Variants in PTPRZ1 observed in about 807,000 individuals in gnomAD.
PTPRZ1 encodes the protein protein tyrosine phosphatase receptor type Z1.
In PTPRZ1, 82 loss-of-function variants were observed where a neutral mutation model predicts 214.1. The observed-to-expected ratio is 0.38, with a 90% CI of 0.32 to 0.46. The LOEUF is 0.46. Among genes scored for constraint, PTPRZ1 ranks in the 20% least tolerant of loss-of-function variants. The pLI is 1.00. For missense variants in PTPRZ1, 2,603 were observed against 2,748.7 expected (o/e 0.95, Z 1.19); for synonymous variants, 945 against 987.9 (o/e 0.96, Z 0.81).
chr7:121,950,682 A>G (rs1285015166), intron 2 of PTPRZ1, among the ~76,000 whole-genome samples: 1 of 152,106 alleles, frequency 6.6e-6, no homozygotes, highest in Non-Finnish European at 1.5e-5. Context: ...CATGTGCACA[A>G]TCCTTATTAG....
In PTPRZ1 at chr7:122,061,091, G is replaced by C; in HGVS notation, c.6819G>C (p.Gln2273His). ...CTTCTGTTCTCTAGGAGCAGTATCA[G>C]TTTCTCTACAAAGTGATCCTCAGCC... is the stretch of plus-strand genomic sequence containing the variant. ...PGVFADIEQYQFLYKVILSLV... is the reference protein window; with the variant it reads ...PGVFADIEQYHFLYKVILSLV... The change falls in exon 30 of 30, where the codon CAG becomes CAC. Residue 2273 changes from glutamine to histidine, a missense_variant. Gln to His is a conservative substitution (Grantham distance 24, BLOSUM62 0). This residue lies in a region of PTPRZ1 where 165 missense variants were observed against 151.4 expected (regional missense o/e 1.09). Transcript: ENST00000393386. 3 of 1,605,406 alleles carry C rather than the reference G, an allele frequency of 1.9e-6. No individual in the cohort carries two copies. The highest frequency in any genetic ancestry group is 1.7e-4 in the Middle Eastern group (1 of 6,020).
At chr7:121,940,788 C>T (rs552584194) in intron 2 of PTPRZ1, among the ~76,000 whole-genome samples, 89 of 152,070 alleles carry the variant, frequency 5.9e-4, no homozygotes, top group African/African-American at 2.1e-3. Flanking sequence ...ATATGATTCT[C>T]CCCATCACCT....
rs1584787779 is a variant in PTPRZ1, at chr7:122,059,786, T to C, written c.6705T>C (p.Ala2235=). Residue 2235 remains alanine (A), a synonymous_variant, in exon 29 of 30, where the codon GCT becomes GCC. Transcript: ENST00000393386. ...HGGVTAGTFC[A]LTTLMHQLEK... is the part of the protein sequence containing the mutation. ...GAGTGACGGCAGGAACTTTCTGTGC[T>C]CTGACAACCCTTATGCACCAACTAG... 6.2e-7 allele frequency: 1 copy of C among 1,613,014 alleles called. No homozygotes were observed. Among genetic ancestry groups the C allele is most frequent in the Non-Finnish European group, 8.5e-7 (1 of 1,179,566 alleles).
chr7:121,949,958 A>G (rs1039420180), intron 2 of PTPRZ1, among the ~76,000 whole-genome samples: 2 of 152,210 alleles, frequency 1.3e-5, no homozygotes, highest in Non-Finnish European at 2.9e-5. Context: ...AATTCAAGCA[A>G]TAATGGGTAA....
rs1584588586 is a variant in PTPRZ1, at chr7:121,874,108, G to A, written c.58+551G>A. On this transcript the variant is annotated intron_variant, in intron 1 of 29. Transcript: ENST00000393386. ...GCACAAGCACCAACCTGACTTTTCA[G>A]GGTTTTTTTTATTACTTTCAATTTA... Among the ~76,000 whole-genome samples, 3 of 151,646 alleles carry A rather than the reference G, an allele frequency of 2.0e-5. No individual in the cohort carries two copies. In the South Asian group the frequency reaches 6.3e-4, roughly 32 times the overall value.
At chr7:122,041,504 TGAATGTA>T in intron 21 of PTPRZ1, among the ~76,000 whole-genome samples, 1 of 152,208 alleles carries the variant, frequency 6.6e-6, no homozygotes, top group Non-Finnish European at 1.5e-5. Context: ...TACATTACAT[TGAATGTA>T]TTGTCAATTC....
chr7:121,967,645 A>G (rs897498519), intron 2 of PTPRZ1, among the ~76,000 whole-genome samples: 6 of 152,206 alleles, frequency 3.9e-5, no homozygotes, highest in African/African-American at 4.8e-5. Flanking sequence ...CATAAAAGTT[A>G]GTTCTCATTG....
chr7:122,055,523 T>C (rs1442753184), intron 27 of PTPRZ1, among the ~76,000 whole-genome samples: 1 of 151,864 alleles, frequency 6.6e-6, no homozygotes, highest in African/African-American at 2.4e-5. Flanking sequence ...TCTACCAATG[T>C]AGAAAGTTGA....
At chr7:121,974,259 T>C (rs1797360824) in intron 4 of PTPRZ1, among the ~76,000 whole-genome samples, 1 of 152,202 alleles carries the variant, frequency 6.6e-6, no homozygotes, top group South Asian at 2.1e-4. Flanking sequence ...AAATTTGCTT[T>C]GTCAAAGTAG....
chr7:121,969,455 G>A (rs549153691), intron 3 of PTPRZ1, among the ~76,000 whole-genome samples: 3 of 151,470 alleles, frequency 2.0e-5, no homozygotes, highest in Admixed American at 1.3e-4. Context: ...CCAGCTACTC[G>A]GGAGGCTGAG....
At position 121,997,961 on chromosome 7, in the gene PTPRZ1, A is replaced by G. The variant is rs1562852913; in HGVS notation, c.1195A>G (p.Lys399Glu). 6.2e-7 allele frequency: 1 copy of G among 1,613,460 alleles called. No homozygotes were observed. The highest frequency in any genetic ancestry group is 8.5e-7 in the Non-Finnish European group (1 of 1,179,696). The change falls in exon 10 of 30, where the codon AAA becomes GAA. Residue 399 changes from lysine to glutamate, a missense_variant. Physicochemically the swap from Lys to Glu is moderately conservative, Grantham distance 56 (BLOSUM62 1). Transcript: ENST00000393386. ...VAICTNGLYG[K>E]YSDQLIVDMP... ...CATATGCACTAATGGCTTATATGGA[A>G]AATACAGCGACCAACTGATTGTCGA...
intron 1 of PTPRZ1, among the ~76,000 whole-genome samples, chr7:121,875,082 C>A (rs1013908343): frequency 6.6e-6 from 1 of 151,666 alleles, no homozygotes; most frequent in African/African-American, 2.4e-5. Flanking sequence ...TTATACAATT[C>A]ATCTTTTTAA....
intron 27 of PTPRZ1, among the ~76,000 whole-genome samples, chr7:122,057,772 T>G (rs1231809825): frequency 6.6e-6 from 1 of 151,532 alleles, no homozygotes; most frequent in Non-Finnish European, 1.5e-5. Context: ...AAAAAATACC[T>G]TTTACCCTGA....
chr7:122,028,490 C>G, intron 13 of PTPRZ1, 62 bp from the exon 14 acceptor site: 1 of 1,286,428 alleles, frequency 7.8e-7, no homozygotes, highest in Non-Finnish European at 1.1e-6. Context: ...TTTCAAGCAG[C>G]TCAGAAATTG....
chr7:121,955,301 A>C (rs1212857583), intron 2 of PTPRZ1, among the ~76,000 whole-genome samples: 1 of 152,198 alleles, frequency 6.6e-6, no homozygotes, highest in African/African-American at 2.4e-5. Context: ...TTAGCTCATC[A>C]GTTATTGAAG....
At chr7:121,969,878 T>C (rs983005824) in intron 3 of PTPRZ1, among the ~76,000 whole-genome samples, 1 of 151,730 alleles carries the variant, frequency 6.6e-6, no homozygotes, top group African/African-American at 2.4e-5. Context: ...TGTATACATG[T>C]GCCATGTTGG....
rs767095735 is a variant in PTPRZ1 at position 122,012,274 on chromosome 7, T to A, written c.3228T>A (p.Asp1076Glu). Residue 1076 changes from aspartate to glutamate, a missense_variant, in exon 12 of 30, where the codon GAT becomes GAA. Coordinates refer to ENST00000393386, the MANE Select transcript of PTPRZ1 (RefSeq NM_002851.3). ...SESTVMPNMYDNVNKLNASLQ... is the reference protein window; with the variant it reads ...SESTVMPNMYENVNKLNASLQ... ...GCACAGTCATGCCCAACATGTATGA[T>A]AATGTAAATAAGTTGAATGCGTCTT... The A allele has an allele frequency of 3.0e-4, 488 of 1,614,066 alleles. 3 individuals are homozygous for A. In the South Asian group the frequency reaches 5.3e-3, roughly 17 times the overall value.
At chr7:121,997,070 C>T (rs1798165997) in intron 9 of PTPRZ1, among the ~76,000 whole-genome samples, 1 of 152,126 alleles carries the variant, frequency 6.6e-6, no homozygotes, top group African/African-American at 2.4e-5. Context: ...AAAGATCCAC[C>T]CCTGCCTCCC....
rs925496483 is a variant in PTPRZ1, at chr7:122,019,211, T to C, written c.4931T>C (p.Val1644Ala). Residue 1644 changes from valine to alanine, a missense_variant, in exon 13 of 30, where the codon GTG becomes GCG. Transcript: ENST00000393386. Reference sequence around the variant, plus strand: ...AAGGCAGTTATACCCCTTGTGATCGTGTCAGCCCTGACTTTTATCTGTCTA... The same window carrying C: ...AAGGCAGTTATACCCCTTGTGATCGCGTCAGCCCTGACTTTTATCTGTCTA... The part of the protein sequence containing the change: ...EKKAVIPLVI[V>A]SALTFICLVV... 1.2e-6 allele frequency: 2 copies of C among 1,612,344 alleles called. No homozygotes were observed. Among genetic ancestry groups the C allele is most frequent in the Non-Finnish European group, 1.7e-6 (2 of 1,178,420 alleles).
Sources: allele counts gnomAD v4.1 joint callset (sites outside exome capture counted in the v4.1 genomes callset), GRCh38; gene constraint gnomAD v4.1.1; regional missense constraint gnomAD v4.1.1; transcripts MANE v1.5; gene names NCBI Gene and HGNC (gene_info 2026-07-23, HGNC 2026-07-21).